Variants in MLLT3 observed in about 807,000 individuals in gnomAD.
The protein encoded by MLLT3 is protein AF-9.
Under a neutral mutation model 53.2 loss-of-function variants are expected in MLLT3, and 4 were observed. The observed-to-expected ratio is 0.08, with a 90% CI of 0.04 to 0.17. MLLT3 has a LOEUF of 0.17. Among genes scored for constraint, MLLT3 ranks in the 10% least tolerant of loss-of-function variants. The pLI is 1.00. For synonymous variants in MLLT3, 283 were observed against 230.6 expected (o/e 1.23, Z -2.06); for missense variants, 569 against 684.0 (o/e 0.83, Z 1.87).
At chr9:20,468,775 T>C (rs891231867) in intron 2 of MLLT3, among the ~76,000 whole-genome samples, 1 of 152,220 alleles carries the variant, frequency 6.6e-6, no homozygotes, top group Non-Finnish European at 1.5e-5. Flanking sequence ...ACCGACGTCA[T>C]ATATGTTACT....
chr9:20,383,538 G>A (rs1293716978), intron 5 of MLLT3, among the ~76,000 whole-genome samples: 5 of 151,742 alleles, frequency 3.3e-5, no homozygotes, highest in Non-Finnish European at 7.4e-5. Context: ...AGTAATAGTG[G>A]TACCAATTCA....
rs185343660 is a variant in MLLT3 at position 20,586,309 on chromosome 9, G to C, written c.193+34345C>G. Among the ~76,000 whole-genome samples the C allele has an allele frequency of 2.7e-5, 4 of 149,116 alleles. No homozygotes were observed. In the East Asian group the frequency reaches 7.9e-4, roughly 29 times the overall value. ...TATTCCAGCCTGGGTGACAGAGCAA[G>C]ACCCCATCTCAGAGAAAAAAAAAAG... On this transcript the variant is annotated intron_variant, in intron 2 of 10. Transcript: ENST00000380338.
chr9:20,413,945 T>C lies in MLLT3; in HGVS notation c.901A>G (p.Ser301Gly). The change falls in exon 5 of 11, where the codon AGT (serine) becomes GGT (glycine). Residue 301 changes from serine to glycine, a missense_variant. Ser to Gly is a moderately conservative substitution (Grantham distance 56). Coordinates refer to ENST00000380338, the MANE Select transcript of MLLT3 (RefSeq NM_004529.4). ...CTTTTAAATAAAGCCTCTGAGCTAC[T>C]CTTTTTCCTTTTTTTGGCTGAGAGT... ...EELSAKKRKK[S>G]SSEALFKSFS... The C allele has an allele frequency of 1.9e-6, 3 of 1,613,768 alleles. No individual in the cohort carries two copies. The highest frequency in any genetic ancestry group is 2.5e-6 in the Non-Finnish European group (3 of 1,179,940).
intron 4 of MLLT3, among the ~76,000 whole-genome samples, chr9:20,422,847 A>G: frequency 6.6e-6 from 1 of 152,026 alleles, no homozygotes; most frequent in South Asian, 2.1e-4. Flanking sequence ...TGATGGTGAC[A>G]ATGATGGTGA....
At chr9:20,493,018 G>A (rs920697976) in intron 2 of MLLT3, among the ~76,000 whole-genome samples, 9 of 151,556 alleles carry the variant, frequency 5.9e-5, no homozygotes, top group African/African-American at 1.2e-4. Flanking sequence ...TTGTGCACCC[G>A]TTTCCATTTT....
intron 2 of MLLT3, among the ~76,000 whole-genome samples, chr9:20,514,791 T>C (rs1349341591): frequency 2.0e-5 from 3 of 151,936 alleles, no homozygotes; most frequent in African/African-American, 7.2e-5. Context: ...AATCATTACC[T>C]AACACCTGTC....
chr9:20,613,669 T>A (rs1328086624), intron 2 of MLLT3, among the ~76,000 whole-genome samples: 1 of 151,672 alleles, frequency 6.6e-6, no homozygotes, highest in African/African-American at 2.4e-5. Flanking sequence ...GGTAAATAAA[T>A]ACATAATGAA....
chr9:20,407,920 C>T (rs1189034674), intron 5 of MLLT3, among the ~76,000 whole-genome samples: 1 of 152,086 alleles, frequency 6.6e-6, no homozygotes, highest in African/African-American at 2.4e-5. Context: ...TCTTGCAAAG[C>T]CCATGTTGAG....
At chr9:20,524,799 C>A (rs1040923389) in intron 2 of MLLT3, among the ~76,000 whole-genome samples, 1 of 152,144 alleles carries the variant, frequency 6.6e-6, no homozygotes, top group African/African-American at 2.4e-5. Flanking sequence ...CCTGAAGGTT[C>A]CCCAACTCCA....
chr9:20,614,192 T>A (rs573101364), intron 2 of MLLT3, among the ~76,000 whole-genome samples: 8 of 151,998 alleles, frequency 5.3e-5, no homozygotes, highest in Admixed American at 3.9e-4. Context: ...GTCAGGAGTT[T>A]GAGACCAGCC....
At chr9:20,441,388 T>C (rs901721471) in intron 4 of MLLT3, among the ~76,000 whole-genome samples, 3 of 152,158 alleles carry the variant, frequency 2.0e-5, no homozygotes, top group African/African-American at 7.2e-5. Flanking sequence ...TTCCCTGAAA[T>C]AATTTATGAG....
intron 2 of MLLT3, among the ~76,000 whole-genome samples, chr9:20,587,309 C>T (rs1362240583): frequency 6.6e-6 from 1 of 151,920 alleles, no homozygotes. Flanking sequence ...TTATTCACTC[C>T]TATTATCACT....
intron 7 of MLLT3, chr9:20,362,675 G>C (rs1399061462): frequency 2.0e-5 from 3 of 147,432 alleles, no homozygotes; most frequent in African/African-American, 7.6e-5. Flanking sequence ...CAATTAGGAA[G>C]CATCGGTCTC....
In MLLT3 at chr9:20,515,015, C is replaced by T. The variant is rs1459972898; in HGVS notation, c.194-58229G>A. ...GGGCTGGAGTGCAGTGGCGTTATCT[C>T]GGCTCACCGCAACCTCTGCCTCCCG... On this transcript the variant is annotated intron_variant, in intron 2 of 10. Transcript: ENST00000380338. Among the ~76,000 whole-genome samples, 5 of 140,674 alleles carry T rather than the reference C, an allele frequency of 3.6e-5. No homozygotes were observed. The East Asian group carries it at 6.3e-4, about 18-fold the overall frequency. The allele number at this position is 140,674 out of a possible 152,430, so 92.3% of individuals were successfully genotyped here. A position where few individuals can be genotyped will look rare whatever the true frequency, so the allele number is the denominator to read the frequency against.
intron 2 of MLLT3, among the ~76,000 whole-genome samples, chr9:20,529,070 C>T (rs1818266933): frequency 6.6e-6 from 1 of 152,190 alleles, no homozygotes; most frequent in East Asian, 1.9e-4. Context: ...GGGTTATCAA[C>T]TCTGACTGAA....
chr9:20,534,781 G>A (rs2119001516), intron 2 of MLLT3, among the ~76,000 whole-genome samples: 1 of 152,246 alleles, frequency 6.6e-6, no homozygotes, highest in East Asian at 1.9e-4. Context: ...AGCAACTTGG[G>A]AGGCTGGGGC....
intron 5 of MLLT3, among the ~76,000 whole-genome samples, chr9:20,377,808 A>G (rs529189925): frequency 6.6e-6 from 1 of 152,088 alleles, no homozygotes; most frequent in Admixed American, 6.5e-5. Flanking sequence ...TTGACTTTTA[A>G]TATAACCAAA....
At chr9:20,376,952 T>C (rs1821780539) in intron 5 of MLLT3, among the ~76,000 whole-genome samples, 1 of 152,218 alleles carries the variant, frequency 6.6e-6, no homozygotes, top group South Asian at 2.1e-4. Flanking sequence ...AGTTCACATG[T>C]ACAGAAGTTG....
At chr9:20,353,697 G>T in intron 9 of MLLT3, 101 bp from the exon 10 acceptor site, 3 of 1,015,666 alleles carry the variant, frequency 3.0e-6, no homozygotes, top group Non-Finnish European at 3.1e-6. Context: ...AGCAGCTGGA[G>T]GTTTCTCATT....
Sources: allele counts gnomAD v4.1 joint callset (sites outside exome capture counted in the v4.1 genomes callset), GRCh38; gene constraint gnomAD v4.1.1; transcripts MANE v1.5; gene names NCBI Gene and HGNC (gene_info 2026-07-23, HGNC 2026-07-21).